PCDHGA5: variants seen among roughly 807,000 people sequenced by gnomAD.
The protein encoded by PCDHGA5 is protocadherin gamma-A5.
In PCDHGA5, 36 loss-of-function variants were observed where a neutral mutation model predicts 56.7. That is an observed-to-expected ratio of 0.64 (90% CI 0.49 to 0.84). PCDHGA5 has a LOEUF of 0.84. Ranked by LOEUF, PCDHGA5 falls within the 40% of genes least tolerant of loss-of-function variation. The pLI, the probability that PCDHGA5 is intolerant of heterozygous loss-of-function variation, is 0.00. For synonymous variants in PCDHGA5, 563 were observed against 520.2 expected (o/e 1.08, Z -1.12); for missense variants, 1,305 against 1,201.5 (o/e 1.09, Z -1.27).
At position 141,476,043 on chromosome 5, in the gene PCDHGA5, A is replaced by T. The variant is rs2099384502; in HGVS notation, c.2422-18764A>T. 1 of 1,492,156 alleles carries T rather than the reference A, an allele frequency of 6.7e-7. No individual in the cohort carries two copies. Among genetic ancestry groups the T allele is most frequent in the African/African-American group, 1.4e-5 (1 of 71,628 alleles). The allele number at this position is 1,492,156 out of a possible 1,614,324, so 92.4% of individuals were successfully genotyped here. On this transcript the variant is annotated intron_variant, in intron 1 of 3. Coordinates refer to ENST00000518069, the MANE Select transcript of PCDHGA5 (RefSeq NM_018918.3). The surrounding 1 kb of genome is among the most constrained non-coding windows in gnomAD (Gnocchi z 7.6). ...ACTCGGCGCCCAGCGCCCAAGCGCT[A>T]ACCCGCTGAAAGTTTCTCAGCGAAA...
chr5:141,492,962 C>T (rs1197532146), intron 1 of PCDHGA5, among the ~76,000 whole-genome samples: 2 of 152,258 alleles, frequency 1.3e-5, no homozygotes, highest in Non-Finnish European at 2.9e-5. Context: ...CTATCTGACA[C>T]TCTAACAAGT....
At chr5:141,433,995 C>G (rs995723859) in intron 1 of PCDHGA5, among the ~76,000 whole-genome samples, 1 of 152,028 alleles carries the variant, frequency 6.6e-6, no homozygotes, top group Non-Finnish European at 1.5e-5. Context: ...GTTTTATATT[C>G]TCTATATATG....
chr5:141,431,411 G>A lies in PCDHGA5; in HGVS notation c.2422-63396G>A. On this transcript the variant is annotated intron_variant, in intron 1 of 3. Coordinates refer to ENST00000518069, the MANE Select transcript of PCDHGA5 (RefSeq NM_018918.3). This position sits in a 1 kb window ranked among gnomAD's most constrained non-coding sequence, Gnocchi z 4.8. ...CCTGGTCCTTACGGCCTCCGACGGG[G>A]GCGACCCGGTGCGCACAGGCACCGC... 3 of 1,613,728 alleles carry A rather than the reference G, an allele frequency of 1.9e-6. No individual in the cohort carries two copies. The highest frequency in any genetic ancestry group is 2.5e-6 in the Non-Finnish European group (3 of 1,180,038).
chr5:141,492,942 G>A (rs897160295), intron 1 of PCDHGA5, among the ~76,000 whole-genome samples: 3 of 152,220 alleles, frequency 2.0e-5, no homozygotes, highest in African/African-American at 7.2e-5. Context: ...GAGATTTGGA[G>A]GTGACCAAAC....
chr5:141,419,564 C>A (rs2096400387), intron 1 of PCDHGA5: 5 of 1,611,832 alleles, frequency 3.1e-6, no homozygotes, highest in Non-Finnish European at 4.2e-6. Context: ...TGCGCTGGGT[C>A]CCGACGGCTC....
At chr5:141,479,685 G>A (rs749895405) in intron 1 of PCDHGA5, 3 of 152,248 alleles carry the variant, frequency 2.0e-5, no homozygotes, top group Non-Finnish European at 4.4e-5. Flanking sequence ...AGTCTTTTTG[G>A]TGCCTCCAGT....
rs193229261 is a variant in PCDHGA5, at chr5:141,446,714, G to A, written c.2422-48093G>A. ...GCTGGTCTCGAACTCTGATCTGCCCGCCTCGGCCTCCCAAAGTGTGGGGAT... is the reference window on the plus strand; with the variant it reads ...GCTGGTCTCGAACTCTGATCTGCCCACCTCGGCCTCCCAAAGTGTGGGGAT... On this transcript the variant is annotated intron_variant, in intron 1 of 3. Transcript: ENST00000518069. Among the ~76,000 whole-genome samples the A allele has an allele frequency of 3.3e-3, 497 of 152,154 alleles. 2 individuals are homozygous for A. Among genetic ancestry groups the A allele is most frequent in the African/African-American group, 0.011 (450 of 41,528 alleles).
At chr5:141,433,866 T>C (rs1191114798) in intron 1 of PCDHGA5, among the ~76,000 whole-genome samples, 1 of 151,870 alleles carries the variant, frequency 6.6e-6, no homozygotes, top group African/African-American at 2.4e-5. Context: ...CTTTATCCTC[T>C]AGTTTCATCC....
At chr5:141,383,222 T>C in intron 1 of PCDHGA5, 1 of 1,613,962 alleles carries the variant, frequency 6.2e-7, no homozygotes, top group Non-Finnish European at 8.5e-7. Context: ...AACTTTAACA[T>C]CCTGATGGAA....
chr5:141,385,265 A>G lies in PCDHGA5; in HGVS notation c.2421+18514A>G. Reference sequence around the variant, plus strand: ...AGCCAGGAGAGCTGTGAGAAAAATGATTCTTTGCTAACATCCGTAGATTTT... The same window carrying G: ...AGCCAGGAGAGCTGTGAGAAAAATGGTTCTTTGCTAACATCCGTAGATTTT... On this transcript the variant is annotated intron_variant, in intron 1 of 3. Transcript: ENST00000518069. 1.2e-6 allele frequency: 2 copies of G among 1,613,710 alleles called. No individual in the cohort carries two copies. Among genetic ancestry groups the G allele is most frequent in the Non-Finnish European group, 1.7e-6 (2 of 1,179,576 alleles).
Position 141,388,177 on chromosome 5 carries a change from A to T in PCDHGA5, c.2421+21426A>T, listed in dbSNP as rs778496978. 25 of 1,515,690 alleles carry T rather than the reference A, an allele frequency of 1.6e-5. No individual in the cohort carries two copies. The Admixed American group carries it at 4.5e-4, about 27-fold the overall frequency. 93.9% of individuals were successfully genotyped at this position (1,515,690 alleles called of 1,614,324 possible). On this transcript the variant is annotated intron_variant, in intron 1 of 3. Coordinates refer to ENST00000518069, the MANE Select transcript of PCDHGA5 (RefSeq NM_018918.3). The stretch of plus-strand genomic sequence containing the variant: ...CTAGACAGGGAGGAGATATGCGGGA[A>T]GAAGCCAGCTTGTGCTCTGGAATTT...
chr5:141,404,174 C>A, intron 1 of PCDHGA5: 1 of 1,613,138 alleles, frequency 6.2e-7, no homozygotes, highest in Non-Finnish European at 8.5e-7. Flanking sequence ...GTTGACGGCC[C>A]AAATTCTTGA....
At chr5:141,457,393 T>G (rs1299068071) in intron 1 of PCDHGA5, among the ~76,000 whole-genome samples, 1 of 152,228 alleles carries the variant, frequency 6.6e-6, no homozygotes, top group African/African-American at 2.4e-5. Flanking sequence ...AGCATATTGA[T>G]TCACATTTTC....
intron 1 of PCDHGA5, among the ~76,000 whole-genome samples, chr5:141,381,670 T>C (rs1383738220): frequency 6.6e-6 from 1 of 152,198 alleles, no homozygotes; most frequent in Non-Finnish European, 1.5e-5. Context: ...CTATAGCTGA[T>C]TGCTGCAGCC....
rs1036344847 is a variant in PCDHGA5 at position 141,424,050 on chromosome 5, C to G, written c.2421+57299C>G. 9.9e-6 allele frequency: 10 copies of G among 1,014,084 alleles called. No homozygotes were observed. The African/African-American group carries it at 1.6e-4, about 16-fold the overall frequency. The allele number at this position is 1,014,084 out of a possible 1,614,324, so 62.8% of individuals were successfully genotyped here. A position where few individuals can be genotyped will look rare whatever the true frequency, so the allele number is the denominator to read the frequency against. ...ACTTTTTATTTCCATTTCAATTTTG[C>G]TGTGCCTTCACTGATTTGTAGTTAT... On this transcript the variant is annotated intron_variant, in intron 1 of 3. Coordinates refer to ENST00000518069, the MANE Select transcript of PCDHGA5 (RefSeq NM_018918.3).
chr5:141,408,670 T>G, intron 1 of PCDHGA5: 1 of 1,614,008 alleles, frequency 6.2e-7, no homozygotes, highest in Non-Finnish European at 8.5e-7. Context: ...CGCTTGACCC[T>G]GCCACGGATC....
chr5:141,388,043 C>T (rs952133270), intron 1 of PCDHGA5: 6 of 1,412,324 alleles, frequency 4.2e-6, no homozygotes, highest in Middle Eastern at 5.0e-4. Flanking sequence ...TCGCCACGGA[C>T]CTGGGGTTCA....
At chr5:141,430,985 G>T (rs773308629) in intron 1 of PCDHGA5, 4 of 1,613,780 alleles carry the variant, frequency 2.5e-6, no homozygotes, top group Non-Finnish European at 3.4e-6. Flanking sequence ...GCAGCTTTTC[G>T]CCCTGAATCC....
intron 1 of PCDHGA5, chr5:141,419,262 G>C: frequency 1.9e-6 from 3 of 1,614,014 alleles, no homozygotes; most frequent in Non-Finnish European, 2.5e-6. Context: ...AACCAGCCGG[G>C]TGCCTCCATA....
Sources: gnomAD v4.1 joint callset for allele counts (sites outside exome capture counted in the v4.1 genomes callset) on GRCh38, gnomAD v4.1.1 for gene constraint, Gnocchi (gnomAD v3.1) non-coding constraint, MANE v1.5 for transcripts, NCBI Gene and HGNC (gene_info 2026-07-23, HGNC 2026-07-21) for gene names.